PTPN7: variants seen among roughly 807,000 people sequenced by gnomAD.
PTPN7 encodes tyrosine-protein phosphatase non-receptor type 7.
A neutral mutation model predicts 50.3 loss-of-function variants in PTPN7; 33 were observed. The ratio of observed to expected loss-of-function variants is 0.66; its 90% CI spans 0.50 to 0.88. PTPN7 has a LOEUF of 0.88. Ranked by LOEUF, PTPN7 falls within the 40% of genes least tolerant of loss-of-function variation. The pLI is 0.00. For synonymous variants in PTPN7, 185 were observed against 186.6 expected (o/e 0.99, Z 0.07); for missense variants, 412 against 475.4 (o/e 0.87, Z 1.24).
intron 8 of PTPN7, 73 bp downstream of exon 8, chr1:202,152,469 T>C: frequency 6.6e-7 from 1 of 1,521,602 alleles, no homozygotes; most frequent in Non-Finnish European, 8.9e-7. Flanking sequence ...CTCAGACCCT[T>C]CCCCAGGAGA....
chr1:202,153,767 C>T lies in PTPN7; in HGVS notation c.675G>A (p.Met225Ile). 1 of 1,614,118 alleles carries T rather than the reference C, an allele frequency of 6.2e-7. No homozygotes were observed. Among genetic ancestry groups the T allele is most frequent in the East Asian group, 2.2e-5 (1 of 44,882 alleles). ...GCACAGTGTATTCTGGGCACTCTTT[C>T]ATGTCCTGGATGCGGATCTGGAAGG... ...YGPFQIRIQD[M>I]KECPEYTVRQ... is the part of the protein sequence containing the mutation. The change falls in exon 7 of 10, where the codon ATG (methionine) becomes ATA (isoleucine). Residue 225 changes from methionine to isoleucine, a missense_variant. Met to Ile is a conservative substitution (Grantham distance 10). Coordinates refer to ENST00000691036, the MANE Select transcript of PTPN7 (RefSeq NM_002832.4).
chr1:202,160,933 C>T (rs556326888), upstream of PTPN7: 63 of 1,433,632 alleles, frequency 4.4e-5, no homozygotes, highest in East Asian at 1.3e-3. This position sits in a 1 kb window ranked among gnomAD's most constrained non-coding sequence, Gnocchi z 4.8. Context: ...TGCTGTCCCA[C>T]AAAGAACCCA....
At chr1:202,151,906 C>A (rs892167887) in intron 8 of PTPN7, among the ~76,000 whole-genome samples, 2 of 152,132 alleles carry the variant, frequency 1.3e-5, no homozygotes, top group South Asian at 2.1e-4. Flanking sequence ...CAGCTAACAC[C>A]GTGCCTGACA....
Position 202,159,830 on chromosome 1 carries a change from C to T in PTPN7, c.-52-376G>A, listed in dbSNP as rs532372735. On this transcript the variant is annotated intron_variant, in intron 1 of 9. Coordinates refer to ENST00000691036, the MANE Select transcript of PTPN7 (RefSeq NM_002832.4). The surrounding 1 kb of genome is among the most constrained non-coding windows in gnomAD (Gnocchi z 4.6). ...TCTCTAGGACGGAAGGGAGAAAGCA[C>T]GCAGAAGCCATCTCTGAGCTAACCA... is the stretch of plus-strand genomic sequence containing the variant. 1.2e-5 allele frequency: 13 copies of T among 1,108,338 alleles called. No homozygotes were observed. Among genetic ancestry groups the T allele is most frequent in the South Asian group, 3.8e-5 (1 of 26,142 alleles). The allele number at this position is 1,108,338 out of a possible 1,614,324, so 68.7% of individuals were successfully genotyped here. A position where few individuals can be genotyped will look rare whatever the true frequency, so the allele number is the denominator to read the frequency against.
chr1:202,147,397 G>A lies in PTPN7; in HGVS notation c.*1209C>T, dbSNP rs1655445378. ...AGTGAGGAGGCCCAGCTGTTCTCCA[G>A]ATCCAACTCCTCGGGGGTTTCCACA... On this transcript the variant is annotated 3_prime_UTR_variant, in exon 10 of 10. Transcript: ENST00000691036. 1 of 152,168 alleles carries A rather than the reference G, an allele frequency of 6.6e-6. No homozygotes were observed. The highest frequency in any genetic ancestry group is 1.5e-5 in the Non-Finnish European group (1 of 68,064). 9.4% of individuals were successfully genotyped at this position (152,168 alleles called of 1,614,324 possible).
rs4623766 is a variant in PTPN7 at position 202,147,829 on chromosome 1, T to A, written c.*777A>T. The A allele has an allele frequency of 0.26, 38,820 of 151,900 alleles. 5,854 individuals are homozygous for A. The highest frequency in any genetic ancestry group is 0.35 in the Middle Eastern group (101 of 292). The allele number at this position is 151,900 out of a possible 1,614,324, so 9.4% of individuals were successfully genotyped here. A position where few individuals can be genotyped will look rare whatever the true frequency, so the allele number is the denominator to read the frequency against. ...CCTCCCTAAGAGTAGTTGGTGGGAG[T>A]GGCCAGCAACCATGGAGGCAGGAGC... On this transcript the variant is annotated 3_prime_UTR_variant, in exon 10 of 10. Coordinates refer to ENST00000691036, the MANE Select transcript of PTPN7 (RefSeq NM_002832.4).
At chr1:202,161,227 C>T (rs1049188823), upstream of PTPN7, 23 of 1,117,672 alleles carry the variant, frequency 2.1e-5, no homozygotes, top group East Asian at 3.2e-4. Flanking sequence ...GCCTGTGCCA[C>T]GGCCCAGCTC....
chr1:202,154,376 T>C (rs900267573), intron 5 of PTPN7, 53 bp from the exon 6 acceptor site: 32 of 1,566,762 alleles, frequency 2.0e-5, no homozygotes, highest in Non-Finnish European at 2.8e-5. Flanking sequence ...AGCAGAGCTC[T>C]GGGGAGATCC....
chr1:202,158,081 A>G, intron 3 of PTPN7, 37 bp downstream of exon 3: 2 of 1,528,526 alleles, frequency 1.3e-6, no homozygotes, highest in Non-Finnish European at 1.8e-6. Context: ...TCTGATACAG[A>G]GGGCAGAGCG....
chr1:202,152,784 G>A, intron 7 of PTPN7, 85 bp from the exon 8 acceptor site: 1 of 1,485,438 alleles, frequency 6.7e-7, no homozygotes, highest in Non-Finnish European at 9.2e-7. Context: ...GAGGGCAAGG[G>A]CTGGAATTAC....
At chr1:202,156,531 A>G (rs1656676615) in intron 4 of PTPN7, among the ~76,000 whole-genome samples, 1 of 152,200 alleles carries the variant, frequency 6.6e-6, no homozygotes, top group African/African-American at 2.4e-5. Flanking sequence ...GCTTGTGAGG[A>G]AAGGAGAAGA....
chr1:202,160,469 G>A lies in PTPN7; in HGVS notation c.-53+76C>T. ...ACTCGCCCTCCCGCACTCCCTCCTAGAGATGCCCTCTTATATCCCCGGAGT... is the reference window on the plus strand; with the variant it reads ...ACTCGCCCTCCCGCACTCCCTCCTAAAGATGCCCTCTTATATCCCCGGAGT... On this transcript the variant is annotated intron_variant, in intron 1 of 9. Coordinates refer to ENST00000691036, the MANE Select transcript of PTPN7 (RefSeq NM_002832.4). The surrounding 1 kb of genome is among the most constrained non-coding windows in gnomAD (Gnocchi z 4.8). 1 of 1,421,428 alleles carries A rather than the reference G, an allele frequency of 7.0e-7. No homozygotes were observed. The highest frequency in any genetic ancestry group is 2.5e-5 in the East Asian group (1 of 40,044). 88.1% of individuals were successfully genotyped at this position (1,421,428 alleles called of 1,614,324 possible).
At chr1:202,157,689 T>A in intron 4 of PTPN7, 50 bp downstream of exon 4, 1 of 1,536,388 alleles carries the variant, frequency 6.5e-7, no homozygotes, top group Non-Finnish European at 9.0e-7. Context: ...TGAAGTTCTC[T>A]AGCCCCAGGG....
intron 8 of PTPN7, among the ~76,000 whole-genome samples, chr1:202,150,652 A>C (rs1655904495): frequency 6.6e-6 from 1 of 152,116 alleles, no homozygotes; most frequent in Non-Finnish European, 1.5e-5. Flanking sequence ...TACCAGCCTT[A>C]CTGTAAGCCT....
At position 202,148,703 on chromosome 1, in the gene PTPN7, C is replaced by A. The variant is rs1655592633; in HGVS notation, c.990-4G>T. 6.2e-7 allele frequency: 1 copy of A among 1,613,042 alleles called. No individual in the cohort carries two copies. Among genetic ancestry groups the A allele is most frequent in the African/African-American group, 1.3e-5 (1 of 74,888 alleles). ...TGCCGTCTGGATCATCCCCCCTCTGCAAGGAGAAACACACAGACCATGAGT... is the reference window on the plus strand; with the variant it reads ...TGCCGTCTGGATCATCCCCCCTCTGAAAGGAGAAACACACAGACCATGAGT... On this transcript the variant is annotated splice_polypyrimidine_tract_variant and splice_region_variant and intron_variant, in intron 9 of 9. Transcript: ENST00000691036.
rs777663050 is a variant in PTPN7 at position 202,158,200 on chromosome 1, A to G, written c.224T>C (p.Leu75Pro). The G allele has an allele frequency of 1.2e-6, 2 of 1,613,990 alleles. No individual in the cohort carries two copies. ...NTPREVTLHF[L>P]RTAGHPLTRW... ...GGTAAGGGGGTGTCCAGCAGTGCGC[A>G]GAAAGTGTAGGGTGACCTCCCGGGG... The change falls in exon 3 of 10, where the codon CTG (leucine) becomes CCG (proline). Residue 75 changes from leucine (L) to proline (P), a missense_variant. Physicochemically the swap from Leu to Pro is moderately conservative, Grantham distance 98 (BLOSUM62 -3). Coordinates refer to ENST00000691036, the MANE Select transcript of PTPN7 (RefSeq NM_002832.4).
In PTPN7 at chr1:202,159,338, A is replaced by C; in HGVS notation, c.65T>G (p.Met22Arg). The C allele has an allele frequency of 6.2e-7, 1 of 1,614,194 alleles. No individual in the cohort carries two copies. Among genetic ancestry groups the C allele is most frequent in the Non-Finnish European group, 8.5e-7 (1 of 1,180,024 alleles). ...QPLTLSLGAAMTQPPPEKTPA... is the reference protein window; with the variant it reads ...QPLTLSLGAARTQPPPEKTPA... ...CGTTTTTTCAGGCGGAGGCTGGGTC[A>C]TGGCTGCCCCCAAAGACAAGGTCAA... Residue 22 changes from methionine to arginine, a missense_variant, in exon 2 of 10, where the codon ATG becomes AGG. Coordinates refer to ENST00000691036, the MANE Select transcript of PTPN7 (RefSeq NM_002832.4). This position sits in a 1 kb window ranked among gnomAD's most constrained non-coding sequence, Gnocchi z 4.6.
chr1:202,148,847 C>CATTTTTTTTT (rs35165620), intron 9 of PTPN7, 148 bp from the exon 10 acceptor site: 1 of 130,988 alleles, frequency 7.6e-6, no homozygotes, highest in African/African-American at 4.5e-5. Flanking sequence ...CATCTTTTCA[C>CATTTTTTTTT]TTTTTTTTTT....
intron 8 of PTPN7, among the ~76,000 whole-genome samples, chr1:202,150,848 T>A (rs1029828245): frequency 2.6e-5 from 4 of 152,112 alleles, no homozygotes; most frequent in African/African-American, 9.7e-5. Flanking sequence ...CCCCTCTGTT[T>A]CCCACCTTGG....
Sources: allele counts gnomAD v4.1 joint callset (sites outside exome capture counted in the v4.1 genomes callset), GRCh38; gene constraint gnomAD v4.1.1; non-coding constraint Gnocchi (gnomAD v3.1); transcripts MANE v1.5; gene names NCBI Gene and HGNC (gene_info 2026-07-23, HGNC 2026-07-21).